Variants in PIWIL3 observed in about 807,000 individuals in gnomAD.
The protein encoded by PIWIL3 is piwi-like protein 3.
Under a neutral mutation model 109.7 loss-of-function variants are expected in PIWIL3, and 101 were observed. That is an observed-to-expected ratio of 0.92 (90% confidence interval 0.78 to 1.09). The LOEUF (loss-of-function observed/expected upper bound fraction) is 1.09, where lower values mean the gene tolerates loss of function less well. Ranked by LOEUF, PIWIL3 falls within the 50% of genes least tolerant of loss-of-function variation. The pLI is 0.00. For missense variants in PIWIL3, 1,031 were observed against 1,072.6 expected, an observed-to-expected ratio of 0.96 and a Z score of 0.54; for synonymous variants, 373 against 376.4, an observed-to-expected ratio of 0.99 and a Z score of 0.10.
chr22:24,723,656 T>G (rs1922813432), intron 18 of PIWIL3, among the ~76,000 whole-genome samples: 1 of 152,200 alleles, frequency 6.6e-6, no homozygotes, highest in Admixed American at 6.5e-5. Context: ...AAGTGTGAAC[T>G]ATTGGCAGAC....
intron 12 of PIWIL3, among the ~76,000 whole-genome samples, 154 bp from the exon 13 acceptor site, chr22:24,736,046 G>A (rs1361207067): frequency 1.8e-4 from 27 of 152,146 alleles, no homozygotes; most frequent in Admixed American, 1.8e-3. Context: ...TTAAGATATA[G>A]GTTAATAGGA....
At chr22:24,757,098 A>AAAAAAAAAAAAAAAAAAG (rs1555912998) in intron 4 of PIWIL3, among the ~76,000 whole-genome samples, 22 of 146,486 alleles carry the variant, frequency 1.5e-4, no homozygotes, top group African/African-American at 4.9e-4. Flanking sequence ...AAAAAAAAAA[A>AAAAAAAAAAAAAAAAAAG]AAAAGAAAAG....
At chr22:24,762,043 ACT>A in intron 2 of PIWIL3, 1 of 983,548 alleles carries the variant, frequency 1.0e-6, no homozygotes, top group Non-Finnish European at 1.2e-6. Flanking sequence ...AAGGCTGGAA[ACT>A]CTTATCTAAC....
At chr22:24,768,966 T>A (rs956473226) in intron 1 of PIWIL3, among the ~76,000 whole-genome samples, 1 of 152,190 alleles carries the variant, frequency 6.6e-6, no homozygotes, top group African/African-American at 2.4e-5. Flanking sequence ...TGGGCTCAGC[T>A]TGTCTGTGCC....
In PIWIL3 at chr22:24,756,598, C is replaced by G; in HGVS notation, c.463G>C (p.Asp155His). The G allele has an allele frequency of 6.2e-7, 1 of 1,613,954 alleles. No homozygotes were observed. The highest frequency in any genetic ancestry group is 8.5e-7 in the Non-Finnish European group (1 of 1,179,872). The part of the protein sequence containing the change: ...YNVDYKPDIE[D>H]GNLRTILLDQ... ...AGTAAAATTGTACGGAGATTTCCAT[C>G]TTCTATGTCTGGTTTGTAGTCAACG... The change falls in exon 5 of 21, where the codon GAT (aspartate) becomes CAT (histidine). Residue 155 changes from aspartate (D) to histidine (H), a missense_variant. Asp to His is a moderately conservative substitution (Grantham distance 81). Coordinates refer to ENST00000616349, the MANE Select transcript of PIWIL3 (RefSeq NM_001255975.1).
intron 12 of PIWIL3, 68 bp downstream of exon 12, chr22:24,748,839 G>T: frequency 8.0e-7 from 1 of 1,247,852 alleles, no homozygotes; most frequent in Non-Finnish European, 1.1e-6. Flanking sequence ...TGAGACTCAA[G>T]TTAGTTCCTT....
intron 12 of PIWIL3, among the ~76,000 whole-genome samples, chr22:24,747,457 G>A (rs1241534883): frequency 2.0e-5 from 3 of 152,076 alleles, no homozygotes; most frequent in African/African-American, 7.2e-5. Flanking sequence ...TGGATATGTA[G>A]GATCACATCA....
At chr22:24,759,533 C>A (rs937019804) in intron 3 of PIWIL3, among the ~76,000 whole-genome samples, 2 of 152,076 alleles carry the variant, frequency 1.3e-5, no homozygotes, top group African/African-American at 4.8e-5. Flanking sequence ...GTTAATGCCA[C>A]AATTTAAAGA....
chr22:24,758,089 G>A (rs369362630), intron 3 of PIWIL3, 50 bp from the exon 4 acceptor site: 11 of 1,567,262 alleles, frequency 7.0e-6, no homozygotes, highest in Middle Eastern at 1.7e-4. Context: ...GGGAAGAATA[G>A]AAAAGACAGC....
intron 19 of PIWIL3, among the ~76,000 whole-genome samples, chr22:24,722,084 A>G (rs131474): frequency 0.35 from 53,392 of 151,854 alleles, 9,952 homozygotes; most frequent in Admixed American, 0.49. Flanking sequence ...CTGCTGTTTT[A>G]TTTTTGTTTT....
chr22:24,736,084 T>A (rs1182700566), intron 12 of PIWIL3, among the ~76,000 whole-genome samples, 192 bp from the exon 13 acceptor site: 1 of 152,214 alleles, frequency 6.6e-6, no homozygotes, highest in African/African-American at 2.4e-5. Flanking sequence ...GTGTTAAAAA[T>A]TTTAATTGAG....
intron 2 of PIWIL3, chr22:24,762,041 A>AT: frequency 1.0e-6 from 1 of 990,362 alleles, no homozygotes; most frequent in Non-Finnish European, 1.2e-6. Flanking sequence ...ACAAGGCTGG[A>AT]AACTCTTATC....
intron 13 of PIWIL3, 56 bp downstream of exon 13, chr22:24,735,652 T>C (rs1923612001): frequency 2.4e-5 from 35 of 1,456,062 alleles, no homozygotes; most frequent in Non-Finnish European, 3.2e-5. Context: ...TTTTAGTTAT[T>C]ATACTTTAAG....
rs756220842 is a variant in PIWIL3 at position 24,719,803 on chromosome 22, G to C, written c.2450C>G (p.Pro817Arg). ...ATATGTTAAACGCTGTACTGTATCT[G>C]GGCTCAAGCCAATCGTGTCATAGAT... Reference protein sequence around the residue: ...NVIYDTIGLSPDTVQRLTYCL... With the variant: ...NVIYDTIGLSRDTVQRLTYCL... The change falls in exon 20 of 21, where the codon CCA becomes CGA. Residue 817 changes from proline to arginine, a missense_variant. Coordinates refer to ENST00000616349, the MANE Select transcript of PIWIL3 (RefSeq NM_001255975.1). 1 of 1,612,784 alleles carries C rather than the reference G, an allele frequency of 6.2e-7. No homozygotes were observed. Among genetic ancestry groups the C allele is most frequent in the East Asian group, 2.2e-5 (1 of 44,868 alleles).
chr22:24,770,669 A>AG, intron 1 of PIWIL3, among the ~76,000 whole-genome samples: 1 of 130,836 alleles, frequency 7.6e-6, no homozygotes, highest in East Asian at 2.6e-4. Flanking sequence ...CTAAAAAAAA[A>AG]AAAAAAAAAA....
At chr22:24,725,410 A>G in intron 17 of PIWIL3, 35 bp downstream of exon 17, 1 of 1,606,240 alleles carries the variant, frequency 6.2e-7, no homozygotes, top group Non-Finnish European at 8.5e-7. Flanking sequence ...CTACTTGTAT[A>G]GTGTCGGGTT....
chr22:24,764,712 A>T (rs1324503525), intron 1 of PIWIL3, among the ~76,000 whole-genome samples: 1 of 146,394 alleles, frequency 6.8e-6, no homozygotes, highest in African/African-American at 2.6e-5. Flanking sequence ...GAGTGCAACA[A>T]TGCAATCTCC....
chr22:24,744,199 A>C (rs900685905), intron 12 of PIWIL3, among the ~76,000 whole-genome samples: 11 of 148,664 alleles, frequency 7.4e-5, no homozygotes, highest in Non-Finnish European at 1.2e-4. Context: ...AAAAAAAAAA[A>C]AAAAAAAACA....
intron 2 of PIWIL3, chr22:24,761,917 C>G: frequency 1.0e-6 from 1 of 970,870 alleles, no homozygotes; most frequent in Non-Finnish European, 1.2e-6. Context: ...GTATATGGTC[C>G]CCCTGGAGGT....
Sources: gnomAD v4.1 joint callset for allele counts (sites outside exome capture counted in the v4.1 genomes callset) on GRCh38, gnomAD v4.1.1 for gene constraint, MANE v1.5 for transcripts, NCBI Gene and HGNC (gene_info 2026-07-23, HGNC 2026-07-21) for gene names.